CNTN5: variants seen among roughly 807,000 people sequenced by gnomAD.
CNTN5 encodes contactin-5.
A neutral mutation model predicts 129.1 loss-of-function variants in CNTN5; 77 were observed. The ratio of observed to expected loss-of-function variants is 0.60; its 90% CI spans 0.50 to 0.72. The LOEUF is 0.72. CNTN5 is among the 30% of genes least tolerant of loss of function. The pLI is 0.00. For synonymous variants in CNTN5, 509 were observed against 465.6 expected, an observed-to-expected ratio of 1.09 and a Z score of -1.20; for missense variants, 1,478 against 1,328.8, an observed-to-expected ratio of 1.11 and a Z score of -1.75.
At position 100,204,333 on chromosome 11, in the gene CNTN5, T is replaced by TATATA. The variant is rs1948867274; in HGVS notation, c.1884+10671_1884+10675dup. The stretch of plus-strand genomic sequence containing the variant: ...ATATATATATATATATATATATATA[T>TATATA]ATATATATATAATTATAGGCAGACA... On this transcript the variant is annotated intron_variant, in intron 15 of 24. Coordinates refer to ENST00000524871, the MANE Select transcript of CNTN5 (RefSeq NM_014361.4). Among the ~76,000 whole-genome samples the TATATA allele has an allele frequency of 3.6e-5, 4 of 110,036 alleles. No homozygotes were observed. In the South Asian group the frequency reaches 1.1e-3, roughly 31 times the overall value. 72.2% of individuals were successfully genotyped at this position (110,036 alleles called of 152,430 possible).
At chr11:99,068,325 G>A (rs7120153) in intron 1 of CNTN5, among the ~76,000 whole-genome samples, 48,352 of 152,052 alleles carry the variant, frequency 0.32, 7,922 homozygotes, top group South Asian at 0.37. Context: ...AGTGTCATGG[G>A]ATATAGGATA....
At chr11:100,271,274 T>C in intron 18 of CNTN5, 33 bp downstream of exon 18, 1 of 1,549,422 alleles carries the variant, frequency 6.5e-7, no homozygotes, top group Non-Finnish European at 8.7e-7. Flanking sequence ...TTGGATTTGG[T>C]ATGCTTCTAA....
At chr11:99,269,296 CT>C (rs1863058814) in intron 1 of CNTN5, among the ~76,000 whole-genome samples, 1 of 150,750 alleles carries the variant, frequency 6.6e-6, no homozygotes, top group Non-Finnish European at 1.5e-5. Flanking sequence ...CATTTTATTA[CT>C]TTAGGTAATA....
In CNTN5 at chr11:99,920,852, C is replaced by A. The variant is rs1949920223; in HGVS notation, c.673+4703C>A. On this transcript the variant is annotated intron_variant, in intron 7 of 24. Transcript: ENST00000524871. ...CATTGGCAGTTAGGATTTCAACATA[C>A]TACTTTTGAGGGGATATAAACATTC... 1.3e-5 allele frequency among the ~76,000 whole-genome samples: 2 copies of A among 152,110 alleles called. 1 individual carries two copies. The highest frequency in any genetic ancestry group is 1.3e-4 in the Admixed American group (2 of 15,262).
chr11:100,323,047 A>G (rs370270219), intron 21 of CNTN5, among the ~76,000 whole-genome samples: 15 of 152,188 alleles, frequency 9.9e-5, no homozygotes, highest in African/African-American at 3.1e-4. Context: ...TCTCTAAAGT[A>G]TATGCTTTTT....
intron 1 of CNTN5, among the ~76,000 whole-genome samples, chr11:99,280,690 A>G (rs1863655287): frequency 6.6e-6 from 1 of 151,742 alleles, no homozygotes; most frequent in Non-Finnish European, 1.5e-5. Flanking sequence ...CTCTGGAGGA[A>G]TGTATTCTCA....
intron 2 of CNTN5, among the ~76,000 whole-genome samples, chr11:99,413,502 C>T (rs1159840137): frequency 6.6e-6 from 1 of 151,980 alleles, no homozygotes; most frequent in African/African-American, 2.4e-5. Context: ...ACCTGTAATT[C>T]CAGCTACTTG....
chr11:99,471,995 T>A (rs993665907), intron 2 of CNTN5, among the ~76,000 whole-genome samples: 1 of 152,142 alleles, frequency 6.6e-6, no homozygotes, highest in Non-Finnish European at 1.5e-5. Context: ...GTATATTATC[T>A]GCTTAAAATT....
At chr11:99,508,846 T>G (rs985319664) in intron 2 of CNTN5, among the ~76,000 whole-genome samples, 1 of 151,866 alleles carries the variant, frequency 6.6e-6, no homozygotes, top group African/African-American at 2.4e-5. Flanking sequence ...AATGCCCGGC[T>G]AATTTTTTAT....
intron 21 of CNTN5, among the ~76,000 whole-genome samples, chr11:100,332,557 C>G (rs1346909482): frequency 6.6e-6 from 1 of 151,896 alleles, no homozygotes; most frequent in East Asian, 1.9e-4. Context: ...GATCAATATC[C>G]CTGATCATCA....
At chr11:99,448,782 T>TTTATTTTACTTTATC (rs1944180433) in intron 2 of CNTN5, among the ~76,000 whole-genome samples, 6 of 150,384 alleles carry the variant, frequency 4.0e-5, no homozygotes, top group African/African-American at 1.5e-4. Context: ...TTTATTTTAT[T>TTTATTTTACTTTATC]TTATTTTATT....
intron 3 of CNTN5, among the ~76,000 whole-genome samples, chr11:99,564,941 T>C (rs1790269): frequency 0.97 from 148,039 of 152,252 alleles, 72,111 homozygotes; most frequent in East Asian, 1. Context: ...TTTCTCCAGC[T>C]AATGGGTTTT....
intron 15 of CNTN5, among the ~76,000 whole-genome samples, chr11:100,203,799 TACACACAC>T (rs59141425): frequency 5.8e-5 from 8 of 139,100 alleles, no homozygotes; most frequent in Admixed American, 1.5e-4. Context: ...AATGTGCACG[TACACACAC>T]ACACACACAC....
chr11:100,084,242 A>G (rs771509036), intron 13 of CNTN5, among the ~76,000 whole-genome samples: 1 of 152,112 alleles, frequency 6.6e-6, no homozygotes, highest in Non-Finnish European at 1.5e-5. Context: ...CCCCCAGACT[A>G]CAACTTTCAG....
chr11:99,683,206 A>T (rs66915547), intron 3 of CNTN5, among the ~76,000 whole-genome samples: 63 of 151,724 alleles, frequency 4.2e-4, no homozygotes, highest in African/African-American at 1.5e-3. Flanking sequence ...ATCATGTTTC[A>T]GAAATCTCCC....
At chr11:99,819,519 T>C (rs199701621) in intron 3 of CNTN5, 25 bp from the exon 4 acceptor site, 9 of 1,564,318 alleles carry the variant, frequency 5.8e-6, no homozygotes, top group Non-Finnish European at 7.0e-6. Context: ...AAAATTCAGA[T>C]TTTATTATAT....
intron 6 of CNTN5, among the ~76,000 whole-genome samples, chr11:99,903,856 A>C (rs1949422675): frequency 6.6e-6 from 1 of 152,178 alleles, no homozygotes; most frequent in Admixed American, 6.6e-5. Context: ...CAAATGGGCA[A>C]ATGAGCTGAA....
chr11:99,546,797 T>G (rs969534330), intron 2 of CNTN5, among the ~76,000 whole-genome samples: 1 of 152,124 alleles, frequency 6.6e-6, no homozygotes, highest in Non-Finnish European at 1.5e-5. Context: ...TACTTTGCAC[T>G]CATGATGGCC....
At chr11:99,448,363 C>G (rs1016425450) in intron 2 of CNTN5, among the ~76,000 whole-genome samples, 1 of 152,150 alleles carries the variant, frequency 6.6e-6, no homozygotes, top group African/African-American at 2.4e-5. Flanking sequence ...AGGCTAAAAA[C>G]TGTCAATACA....
Sources: gnomAD v4.1 joint callset for allele counts (sites outside exome capture counted in the v4.1 genomes callset) on GRCh38, gnomAD v4.1.1 for gene constraint, MANE v1.5 for transcripts, NCBI Gene and HGNC (gene_info 2026-07-23, HGNC 2026-07-21) for gene names.